Variants in FAT3 observed in about 807,000 individuals in gnomAD.
FAT3 encodes FAT atypical cadherin 3, also known as protocadherin Fat 3.
FAT3 carries 95 observed loss-of-function variants against 310.2 expected under a neutral mutation model. The ratio of observed to expected loss-of-function variants is 0.31; its 90% confidence interval spans 0.26 to 0.36. FAT3 has a LOEUF of 0.36. FAT3 is among the 10% of genes least tolerant of loss of function. The pLI, the probability that FAT3 is intolerant of heterozygous loss-of-function variation, is 1.00. For synonymous variants in FAT3, 2,314 were observed against 2,192.9 expected, an observed-to-expected ratio of 1.06 and a Z score of -1.54; for missense variants, 5,408 against 5,715.6, an observed-to-expected ratio of 0.95 and a Z score of 1.74.
At chr11:92,469,441 A>T (rs1232230915) in intron 2 of FAT3, among the ~76,000 whole-genome samples, 1 of 152,122 alleles carries the variant, frequency 6.6e-6, no homozygotes, top group African/African-American at 2.4e-5. Flanking sequence ...TTAATTGTGT[A>T]TTTTACATGA....
intron 3 of FAT3, among the ~76,000 whole-genome samples, chr11:92,624,784 T>G (rs369873549): frequency 1.4e-3 from 210 of 152,244 alleles, no homozygotes; most frequent in African/African-American, 4.8e-3. Flanking sequence ...CAGCAGAAAT[T>G]TGTTGTCTTA....
Position 92,801,399 on chromosome 11 carries a change from T to C in FAT3, c.8386T>C (p.Phe2796Leu). Reference sequence around the variant, plus strand: ...ACCCCTGGACAAAGTAGACATTGTGTTTACTGTGGATGTAGATATCAAGGT... The same window carrying C: ...ACCCCTGGACAAAGTAGACATTGTGCTTACTGTGGATGTAGATATCAAGGT... ...TIPLDKVDIV[F>L]TVDVDIKVLD... Residue 2796 changes from phenylalanine to leucine, a missense_variant, in exon 10 of 28, where the codon TTT becomes CTT. Phe to Leu is a conservative substitution (Grantham distance 22, BLOSUM62 0). Transcript: ENST00000525166. 1 of 1,613,952 alleles carries C rather than the reference T, an allele frequency of 6.2e-7. No homozygotes were observed. Among genetic ancestry groups the C allele is most frequent in the South Asian group, 1.1e-5 (1 of 91,070 alleles).
chr11:92,785,252 A>G (rs1946857767), intron 7 of FAT3, among the ~76,000 whole-genome samples: 1 of 152,160 alleles, frequency 6.6e-6, no homozygotes, highest in Non-Finnish European at 1.5e-5. Flanking sequence ...AAAGTAAATA[A>G]TGTTCTGGAA....
chr11:92,390,149 G>C (rs1022922703), intron 2 of FAT3, among the ~76,000 whole-genome samples: 1 of 152,070 alleles, frequency 6.6e-6, no homozygotes, highest in East Asian at 1.9e-4. Flanking sequence ...AAAAAATAAA[G>C]TTCTTGTAAA....
rs186773793 is a variant in FAT3, at chr11:92,513,878, A to G, written c.3293-10756A>G. Among the ~76,000 whole-genome samples the G allele has an allele frequency of 3.6e-3, 541 of 152,308 alleles. 4 individuals are homozygous for G. The highest frequency in any genetic ancestry group is 0.012 in the African/African-American group (501 of 41,582). Reference sequence around the variant, plus strand: ...TGACCCCCAAAGCATTCCCTGATCCATACGCTGATAGGTTGTTTGGAGCTG... The same window carrying G: ...TGACCCCCAAAGCATTCCCTGATCCGTACGCTGATAGGTTGTTTGGAGCTG... On this transcript the variant is annotated intron_variant, in intron 2 of 27. Transcript: ENST00000525166.
chr11:92,866,254 G>C (rs1949243974), intron 21 of FAT3, among the ~76,000 whole-genome samples: 1 of 152,136 alleles, frequency 6.6e-6, no homozygotes. Flanking sequence ...CCTACAGACT[G>C]TCAGCCACAT....
intron 3 of FAT3, among the ~76,000 whole-genome samples, chr11:92,540,568 C>T (rs906643201): frequency 2.6e-5 from 4 of 152,132 alleles, no homozygotes; most frequent in Non-Finnish European, 4.4e-5. Flanking sequence ...TTACAAATTA[C>T]GAATGTTTCA....
chr11:92,325,192 C>T (rs183608101), intron 1 of FAT3, among the ~76,000 whole-genome samples: 4 of 152,274 alleles, frequency 2.6e-5, no homozygotes, highest in African/African-American at 9.6e-5. Context: ...ATTTGCCTGC[C>T]AGCCTTGACA....
At chr11:92,782,476 G>A (rs962540697) in intron 7 of FAT3, among the ~76,000 whole-genome samples, 2 of 152,110 alleles carry the variant, frequency 1.3e-5, no homozygotes, top group African/African-American at 4.8e-5. Flanking sequence ...TACTTGGATG[G>A]CAGGATGATC....
chr11:92,274,584 G>T (rs971319781), intron 1 of FAT3, among the ~76,000 whole-genome samples: 2 of 151,900 alleles, frequency 1.3e-5, no homozygotes, highest in African/African-American at 2.4e-5. Flanking sequence ...ACCTATATGG[G>T]ACCTCTTCTA....
intron 19 of FAT3, 40 bp from the exon 20 acceptor site, chr11:92,857,174 C>T: frequency 4.3e-6 from 7 of 1,613,506 alleles, no homozygotes; most frequent in Non-Finnish European, 5.9e-6. Context: ...AGGGTGAATC[C>T]CTTTGTGTAC....
intron 3 of FAT3, among the ~76,000 whole-genome samples, chr11:92,560,012 T>G (rs1163314611): frequency 6.6e-6 from 1 of 152,234 alleles, no homozygotes; most frequent in Non-Finnish European, 1.5e-5. Flanking sequence ...TACTCCGTGT[T>G]TAATTTTTTG....
intron 3 of FAT3, among the ~76,000 whole-genome samples, chr11:92,537,803 C>G (rs1169329487): frequency 6.6e-6 from 1 of 152,088 alleles, no homozygotes; most frequent in Non-Finnish European, 1.5e-5. Context: ...AGAAAAATAT[C>G]TTAACAGACT....
At chr11:92,794,012 C>G (rs926465569) in intron 9 of FAT3, among the ~76,000 whole-genome samples, 7 of 151,958 alleles carry the variant, frequency 4.6e-5, no homozygotes, top group Non-Finnish European at 1.0e-4. Context: ...TTACATGGGT[C>G]TGTGCTAAGC....
chr11:92,831,835 AC>A lies in FAT3; in HGVS notation c.9701del (p.Pro3234LeufsTer10). 1 of 1,613,130 alleles carries A rather than the reference AC, an allele frequency of 6.2e-7. No individual in the cohort carries two copies. The highest frequency in any genetic ancestry group is 8.5e-7 in the Non-Finnish European group (1 of 1,179,676). ...ATCACCGTTCTGGACATTAATGACA[AC>A]CCCCCTGTGTTTGAGAGGAGGGACT... ...VTITVLDIND[N>X]PPVFERRDYL... On this transcript the variant is annotated frameshift_variant, in exon 14 of 28. Coordinates refer to ENST00000525166, the MANE Select transcript of FAT3 (RefSeq NM_001367949.2). LOFTEE classifies it high-confidence loss of function.
At chr11:92,494,173 C>A (rs1952687557) in intron 2 of FAT3, among the ~76,000 whole-genome samples, 1 of 151,784 alleles carries the variant, frequency 6.6e-6, no homozygotes, top group African/African-American at 2.4e-5. Flanking sequence ...ATTGAGAACT[C>A]CCTCACTATC....
intron 3 of FAT3, among the ~76,000 whole-genome samples, chr11:92,551,973 GTTAT>G (rs1402674423): frequency 2.0e-5 from 3 of 152,138 alleles, no homozygotes; most frequent in Non-Finnish European, 4.4e-5. Flanking sequence ...TGTTTATGAT[GTTAT>G]TTAATTTTCA....
intron 3 of FAT3, among the ~76,000 whole-genome samples, chr11:92,528,137 G>T (rs1953935273): frequency 6.6e-6 from 1 of 152,194 alleles, no homozygotes; most frequent in Non-Finnish European, 1.5e-5. Context: ...TCGAACATCT[G>T]TTCTCTACAC....
chr11:92,399,912 G>A (rs114992134), intron 2 of FAT3, among the ~76,000 whole-genome samples: 1 of 152,280 alleles, frequency 6.6e-6, no homozygotes, highest in East Asian at 1.9e-4. Context: ...AACAGGAGGT[G>A]CAATACAGAC....
Sources: allele counts gnomAD v4.1 joint callset (sites outside exome capture counted in the v4.1 genomes callset), GRCh38; gene constraint gnomAD v4.1.1; transcripts MANE v1.5; gene names NCBI Gene and HGNC (gene_info 2026-07-23, HGNC 2026-07-21).